The following PDS5B variants were observed in gnomAD, a reference collection of about 807,000 sequenced individuals.
PDS5B encodes sister chromatid cohesion protein PDS5 homolog B.
A neutral mutation model predicts 184.1 loss-of-function variants in PDS5B; 51 were observed. The observed-to-expected ratio is 0.28, with a 90% confidence interval of 0.22 to 0.35. The LOEUF is 0.35. Among genes scored for constraint, PDS5B ranks in the 10% least tolerant of loss-of-function variants. The pLI, the probability that PDS5B is intolerant of heterozygous loss-of-function variation, is 1.00. For synonymous variants in PDS5B, 566 were observed against 569.2 expected (o/e 0.99, Z 0.08); for missense variants, 1,180 against 1,723.3 (o/e 0.68, Z 5.58).
rs772449393 is a variant in PDS5B, at chr13:32,753,503, C to T, written c.2908C>T (p.Arg970Trp). 2.5e-6 allele frequency: 4 copies of T among 1,613,138 alleles called. No homozygotes were observed. Among genetic ancestry groups the T allele is most frequent in the South Asian group, 2.2e-5 (2 of 91,014 alleles). ...QCLVKNINVR[R>W]EYLKQHAAVS... The stretch of plus-strand genomic sequence containing the variant: ...TTTGGTGAAAAATATAAATGTAAGG[C>T]GGGAGTATCTGAAGCAGCATGCAGC... Residue 970 changes from arginine (R) to tryptophan (W), a missense_variant, in exon 25 of 35, where the codon CGG (arginine) becomes TGG (tryptophan). Around this residue, in one of 11 missense-constraint regions of PDS5B, gnomAD observed 57 missense variants for 80.9 expected, o/e 0.70. Coordinates refer to ENST00000315596, the MANE Select transcript of PDS5B (RefSeq NM_015032.4).
In PDS5B at chr13:32,755,824, G is replaced by C; in HGVS notation, c.2942-18G>C. The C allele has an allele frequency of 4.8e-6, 5 of 1,047,184 alleles. No homozygotes were observed. The highest frequency in any genetic ancestry group is 3.6e-5 in the South Asian group (2 of 55,780). The allele number at this position is 1,047,184 out of a possible 1,614,324, so 64.9% of individuals were successfully genotyped here. ...TTCTTTTGTTTTTTTTTGTTTGTTT[G>C]TTTGTTTTCTTTTTCAGAAAAATTA... On this transcript the variant is annotated intron_variant, in intron 25 of 34. Coordinates refer to ENST00000315596, the MANE Select transcript of PDS5B (RefSeq NM_015032.4).
At chr13:32,683,397 C>T (rs569938056) in intron 10 of PDS5B, among the ~76,000 whole-genome samples, 8 of 150,776 alleles carry the variant, frequency 5.3e-5, no homozygotes, top group Middle Eastern at 3.4e-3. Context: ...CTCCGCTCAC[C>T]GCAGCCTCTC....
chr13:32,650,699 C>T (rs932314211), intron 2 of PDS5B: 7 of 152,134 alleles, frequency 4.6e-5, no homozygotes, highest in Admixed American at 1.3e-4. Context: ...TGCCAGGTTG[C>T]AAGGATTAGT....
intron 14 of PDS5B, 25 bp from the exon 15 acceptor site, chr13:32,696,829 T>C (rs1392784635): frequency 1.3e-6 from 2 of 1,572,170 alleles, no homozygotes; most frequent in Admixed American, 1.7e-5. Flanking sequence ...AATTTTAATT[T>C]TGCATTTTTT....
chr13:32,699,260 G>A (rs2140865356), intron 15 of PDS5B, among the ~76,000 whole-genome samples: 1 of 152,282 alleles, frequency 6.6e-6, no homozygotes, highest in Non-Finnish European at 1.5e-5. Flanking sequence ...AGGTTGCTCA[G>A]TATATATCAC....
Position 32,693,669 on chromosome 13 carries a change from T to A in PDS5B, c.1470-554T>A, listed in dbSNP as rs1951617573. The stretch of plus-strand genomic sequence containing the variant: ...ATTATTCTCTATATGTTAATATTAT[T>A]TATATATTATAATATATTAAACGAC... On this transcript the variant is annotated intron_variant, in intron 13 of 34. Transcript: ENST00000315596. 2.0e-5 allele frequency among the ~76,000 whole-genome samples: 3 copies of A among 149,534 alleles called. 1 individual carries two copies. The South Asian group carries it at 6.3e-4, about 31-fold the overall frequency.
intron 19 of PDS5B, among the ~76,000 whole-genome samples, chr13:32,719,209 G>T (rs1952583647): frequency 6.6e-6 from 1 of 152,098 alleles, no homozygotes; most frequent in African/African-American, 2.4e-5. Flanking sequence ...TTGAGATAGG[G>T]TCTTGCTCTG....
At chr13:32,752,420 G>A (rs1315070836) in intron 24 of PDS5B, among the ~76,000 whole-genome samples, 4 of 152,106 alleles carry the variant, frequency 2.6e-5, no homozygotes, top group East Asian at 3.8e-4. Context: ...AGCTAGTGTC[G>A]TTCAGAAAAA....
chr13:32,735,025 G>A lies in PDS5B; in HGVS notation c.2248-147G>A, dbSNP rs564958315. The A allele has an allele frequency of 7.3e-4, 356 of 484,416 alleles. 4 individuals are homozygous for A. The South Asian group carries it at 7.5e-3, about 10-fold the overall frequency. The allele number at this position is 484,416 out of a possible 1,614,324, so 30.0% of individuals were successfully genotyped here. A position where few individuals can be genotyped will look rare whatever the true frequency, so the allele number is the denominator to read the frequency against. On this transcript the variant is annotated intron_variant, in intron 20 of 34. Coordinates refer to ENST00000315596, the MANE Select transcript of PDS5B (RefSeq NM_015032.4). ...AATCTTGAGTTACTACTTATACTATGTATATTTATTGAAATTTTTGTAGTT... is the reference window on the plus strand; with the variant it reads ...AATCTTGAGTTACTACTTATACTATATATATTTATTGAAATTTTTGTAGTT...
intron 1 of PDS5B, among the ~76,000 whole-genome samples, chr13:32,607,969 C>G (rs2140500823): frequency 6.6e-6 from 1 of 152,316 alleles, no homozygotes; most frequent in African/African-American, 2.4e-5. Context: ...CATGGCTTCC[C>G]TTGGCTAGGA....
At chr13:32,594,774 C>G (rs1486152245) in intron 1 of PDS5B, among the ~76,000 whole-genome samples, 1 of 152,010 alleles carries the variant, frequency 6.6e-6, no homozygotes, top group Non-Finnish European at 1.5e-5. Flanking sequence ...TTTGATGTTT[C>G]TAATCTGTTA....
At chr13:32,704,569 T>C (rs574270008) in intron 17 of PDS5B, among the ~76,000 whole-genome samples, 2 of 152,340 alleles carry the variant, frequency 1.3e-5, no homozygotes, top group Non-Finnish European at 2.9e-5. Flanking sequence ...ATGAACTCCA[T>C]TTACAGAAAA....
intron 19 of PDS5B, among the ~76,000 whole-genome samples, chr13:32,719,770 C>T (rs1306953412): frequency 6.7e-6 from 1 of 150,362 alleles, no homozygotes; most frequent in Non-Finnish European, 1.5e-5. Flanking sequence ...TTAATACCTG[C>T]AATGTATAAA....
chr13:32,684,678 T>C (rs1020268834), intron 11 of PDS5B, among the ~76,000 whole-genome samples: 1 of 152,242 alleles, frequency 6.6e-6, no homozygotes, highest in African/African-American at 2.4e-5. Context: ...CTGATTGCCA[T>C]AATGGCATCT....
chr13:32,697,425 C>A (rs1198643511), intron 15 of PDS5B, among the ~76,000 whole-genome samples: 1 of 152,140 alleles, frequency 6.6e-6, no homozygotes, highest in Non-Finnish European at 1.5e-5. Flanking sequence ...GAGGGATAAT[C>A]AGAAACACCT....
chr13:32,775,674 A>G lies in PDS5B; in HGVS notation c.*622A>G, dbSNP rs1216026742. The G allele has an allele frequency of 2.2e-6, 1 of 456,224 alleles. No homozygotes were observed. Among genetic ancestry groups the G allele is most frequent in the African/African-American group, 2.0e-5 (1 of 50,074 alleles). The allele number at this position is 456,224 out of a possible 1,614,324, so 28.3% of individuals were successfully genotyped here. Reference sequence around the variant, plus strand: ...GGATGCCTCTGATAGGAGGACAACCATGCAAATTGTGAAATAGTCCTGAAG... The same window carrying G: ...GGATGCCTCTGATAGGAGGACAACCGTGCAAATTGTGAAATAGTCCTGAAG... On this transcript the variant is annotated 3_prime_UTR_variant, in exon 35 of 35. Transcript: ENST00000315596.
intron 1 of PDS5B, among the ~76,000 whole-genome samples, chr13:32,594,008 T>C (rs2057817050): frequency 6.6e-6 from 1 of 152,230 alleles, no homozygotes; most frequent in African/African-American, 2.4e-5. Flanking sequence ...CACAAATAAA[T>C]GATAAATGTT....
chr13:32,679,642 A>AT (rs1161400419), intron 10 of PDS5B, among the ~76,000 whole-genome samples: 25 of 149,630 alleles, frequency 1.7e-4, no homozygotes, highest in African/African-American at 4.4e-4. Context: ...TTATCTCAAA[A>AT]AAAAAAAAAA....
At chr13:32,655,555 T>C (rs1435331170) in intron 3 of PDS5B, among the ~76,000 whole-genome samples, 1 of 150,974 alleles carries the variant, frequency 6.6e-6, no homozygotes, top group East Asian at 2.0e-4. Flanking sequence ...ATTTTTGTAT[T>C]AGTAGAGTGG....
Sources: allele counts gnomAD v4.1 joint callset (sites outside exome capture counted in the v4.1 genomes callset), GRCh38; gene constraint gnomAD v4.1.1; regional missense constraint gnomAD v4.1.1; transcripts MANE v1.5; gene names NCBI Gene and HGNC (gene_info 2026-07-23, HGNC 2026-07-21).